TENM1: variants seen among roughly 807,000 people sequenced by gnomAD.
The protein encoded by TENM1 is teneurin-1.
Under a neutral mutation model 174.8 loss-of-function variants are expected in TENM1, and 35 were observed. The ratio of observed to expected loss-of-function variants is 0.20; its 90% confidence interval spans 0.15 to 0.27. The LOEUF (loss-of-function observed/expected upper bound fraction) is 0.27. Among genes scored for constraint, TENM1 ranks in the 10% least tolerant of loss-of-function variants. The pLI is 1.00. For synonymous variants in TENM1, 781 were observed against 798.7 expected (o/e 0.98, Z 0.37); for missense variants, 1,633 against 2,130.1 (o/e 0.77, Z 4.59).
chrX:125,062,673 A>G, the TENM1 span, among the ~76,000 whole-genome samples: 2 of 112,164 alleles, frequency 1.8e-5, no homozygotes, highest in Admixed American at 9.5e-5. Flanking sequence ...GTAAGAATAA[A>G]TAAAAGACCA....
intron 27 of TENM1, among the ~76,000 whole-genome samples, chrX:124,400,735 T>A (rs986532741): frequency 8.9e-6 from 1 of 112,118 alleles, no homozygotes; most frequent in Non-Finnish European, 1.9e-5. Context: ...CATAGCAAGG[T>A]ACAAACTGGA....
chrX:125,122,585 T>C, the TENM1 span, among the ~76,000 whole-genome samples: 1 of 112,083 alleles, frequency 8.9e-6, no homozygotes, highest in East Asian at 2.8e-4. Context: ...ACTGATTCAA[T>C]AACAACTTGA....
At chrX:124,764,983 T>C (rs2054508834) in intron 3 of TENM1, among the ~76,000 whole-genome samples, 1 of 110,906 alleles carries the variant, frequency 9.0e-6, no homozygotes, top group African/African-American at 3.3e-5. Context: ...CTGAGGCCCA[T>C]TACCAATGTT....
chrX:124,948,183 T>C (rs1008868228), intron 1 of TENM1, among the ~76,000 whole-genome samples: 3 of 112,068 alleles, frequency 2.7e-5, no homozygotes, highest in African/African-American at 9.7e-5. Context: ...TTGTTGGTAG[T>C]AATTGGATCA....
the TENM1 span, among the ~76,000 whole-genome samples, chrX:125,048,703 C>A: frequency 9.0e-6 from 1 of 110,924 alleles, no homozygotes; most frequent in African/African-American, 3.3e-5. Flanking sequence ...TATGAACATA[C>A]TAAAAACTAT....
intron 11 of TENM1, among the ~76,000 whole-genome samples, chrX:124,576,190 G>C (rs972922206): frequency 1.1e-4 from 12 of 111,040 alleles, no homozygotes; most frequent in African/African-American, 3.9e-4. Flanking sequence ...CTCCTGAGTA[G>C]CTAAGACTAC....
chrX:124,977,016 G>C, the TENM1 span, among the ~76,000 whole-genome samples: 1 of 111,911 alleles, frequency 8.9e-6, no homozygotes, highest in Non-Finnish European at 1.9e-5. Flanking sequence ...TTGCAAATGG[G>C]TTGCTACCAT....
At chrX:124,488,060 G>A (rs1209248004) in intron 20 of TENM1, among the ~76,000 whole-genome samples, 2 of 111,814 alleles carry the variant, frequency 1.8e-5, no homozygotes, top group Non-Finnish European at 3.8e-5. Flanking sequence ...CTAGAGGACT[G>A]TTGGGCCAGA....
At chrX:125,139,182 C>T in the TENM1 span, among the ~76,000 whole-genome samples, 4 of 111,493 alleles carry the variant, frequency 3.6e-5, no homozygotes, top group Non-Finnish European at 5.7e-5. Flanking sequence ...TTCAATAAAA[C>T]ACAAAATGAT....
At chrX:124,586,487 A>G (rs1386806486) in intron 11 of TENM1, among the ~76,000 whole-genome samples, 3 of 111,085 alleles carry the variant, frequency 2.7e-5, no homozygotes, top group African/African-American at 9.9e-5. Context: ...AAATTCAACA[A>G]CGCTTCATGC....
intron 3 of TENM1, among the ~76,000 whole-genome samples, chrX:124,806,026 T>C (rs1165232902): frequency 9.0e-6 from 1 of 110,623 alleles, no homozygotes; most frequent in Non-Finnish European, 1.9e-5. Flanking sequence ...AAAGAACTAT[T>C]TTAAGGAAGC....
the TENM1 span, among the ~76,000 whole-genome samples, chrX:125,071,316 T>C: frequency 3.6e-5 from 4 of 112,004 alleles, no homozygotes; most frequent in Non-Finnish European, 5.6e-5. Context: ...AGCAAGCCTT[T>C]ATGTTGAATT....
intron 19 of TENM1, 95 bp downstream of exon 22, chrX:124,503,465 A>G (rs2047377001): frequency 1.2e-6 from 1 of 805,461 alleles, no homozygotes; most frequent in South Asian, 2.9e-5. Flanking sequence ...TCTCACAAGT[A>G]ATTTTTATCT....
chrX:124,598,696 T>C (rs1404777630), intron 11 of TENM1, among the ~76,000 whole-genome samples: 2 of 111,018 alleles, frequency 1.8e-5, no homozygotes, highest in East Asian at 5.7e-4. Context: ...TCAAAACAAC[T>C]GAACTCATGT....
At chrX:124,572,800 C>CA (rs771484993) in intron 11 of TENM1, among the ~76,000 whole-genome samples, 11 of 108,241 alleles carry the variant, frequency 1.0e-4, no homozygotes, top group African/African-American at 2.0e-4. Flanking sequence ...GCACATATAG[C>CA]AAAAAAAAGG....
chrX:124,875,415 A>AT (rs759796281), intron 3 of TENM1, among the ~76,000 whole-genome samples: 2,026 of 104,627 alleles, frequency 0.019, 42 homozygotes, highest in African/African-American at 0.065. Flanking sequence ...TTGGTCTTAG[A>AT]TTTTTTTTTT....
intron 11 of TENM1, among the ~76,000 whole-genome samples, chrX:124,639,247 C>T (rs73634527): frequency 0.034 from 3,787 of 111,765 alleles, 148 homozygotes; most frequent in African/African-American, 0.12. Flanking sequence ...CAATGGCTTG[C>T]AAGTCCCCAA....
At chrX:125,159,650 T>C in the TENM1 span, among the ~76,000 whole-genome samples, 1 of 112,212 alleles carries the variant, frequency 8.9e-6, no homozygotes, top group African/African-American at 3.2e-5. Context: ...AAATGTAAAG[T>C]TGAAGTAAAT....
In TENM1 at chrX:124,816,468, T is replaced by C. The variant is rs999896586; in HGVS notation, c.535+77828A>G. Reference sequence around the variant, plus strand: ...AGAATGACTCATAATTTGCATGTTATTTATATGTAAATGAGTGCTTATAAA... The same window carrying C: ...AGAATGACTCATAATTTGCATGTTACTTATATGTAAATGAGTGCTTATAAA... On this transcript the variant is annotated intron_variant, in intron 3 of 31. Transcript: ENST00000422452. 2.7e-5 allele frequency among the ~76,000 whole-genome samples: 3 copies of C among 111,978 alleles called. No individual in the cohort carries two copies. In the East Asian group the frequency reaches 8.4e-4, roughly 31 times the overall value.
Sources: allele counts gnomAD v4.1 joint callset (sites outside exome capture counted in the v4.1 genomes callset), GRCh38; gene constraint gnomAD v4.1.1; transcripts MANE v1.5; gene names NCBI Gene and HGNC (gene_info 2026-07-23, HGNC 2026-07-21).